The following TMEFF2 variants were observed in gnomAD, a reference collection of about 807,000 sequenced individuals.
TMEFF2 encodes the protein transmembrane protein with EGF like and two follistatin like domains 2.
A neutral mutation model predicts 53.8 loss-of-function variants in TMEFF2; 28 were observed. That is an observed-to-expected ratio of 0.52 (90% confidence interval 0.39 to 0.71). The LOEUF is 0.71. Ranked by LOEUF, TMEFF2 falls within the 30% of genes least tolerant of loss-of-function variation. The pLI is 0.00. For missense variants in TMEFF2, 353 were observed against 455.2 expected (o/e 0.78, Z 2.04); for synonymous variants, 162 against 166.3 (o/e 0.97, Z 0.20).
chr2:192,059,578 T>C (rs552189667), intron 4 of TMEFF2, among the ~76,000 whole-genome samples: 3 of 152,294 alleles, frequency 2.0e-5, no homozygotes, highest in Non-Finnish European at 4.4e-5. Flanking sequence ...AAGAACACAA[T>C]GGCAAGGACC....
chr2:192,075,804 A>G (rs980120615), intron 4 of TMEFF2, among the ~76,000 whole-genome samples: 3 of 152,082 alleles, frequency 2.0e-5, no homozygotes, highest in African/African-American at 7.2e-5. Flanking sequence ...GAGATTTTCA[A>G]TTTCTAACTT....
chr2:191,949,858 C>A lies in TMEFF2; in HGVS notation c.*453G>T. On this transcript the variant is annotated 3_prime_UTR_variant, in exon 10 of 10. Coordinates refer to ENST00000272771, the MANE Select transcript of TMEFF2 (RefSeq NM_016192.4). ...TCTCTTTTCCAATAACCATCATTTC[C>A]CTTGATCTTGGAATCATTCAAAACC... 3 of 985,990 alleles carry A rather than the reference C, an allele frequency of 3.0e-6. No individual in the cohort carries two copies. The highest frequency in any genetic ancestry group is 3.6e-6 in the Non-Finnish European group (3 of 830,146). 61.1% of individuals were successfully genotyped at this position (985,990 alleles called of 1,614,324 possible). A position where few individuals can be genotyped will look rare whatever the true frequency, so the allele number is the denominator to read the frequency against.
At chr2:192,188,982 T>C (rs1691391424) in intron 2 of TMEFF2, among the ~76,000 whole-genome samples, 1 of 152,082 alleles carries the variant, frequency 6.6e-6, no homozygotes, top group African/African-American at 2.4e-5. Flanking sequence ...GACACATGTT[T>C]ACATATGTAA....
chr2:191,951,721 T>C (rs568326927), intron 9 of TMEFF2, among the ~76,000 whole-genome samples: 1 of 152,194 alleles, frequency 6.6e-6, no homozygotes, highest in Non-Finnish European at 1.5e-5. Flanking sequence ...ACACTGGGAA[T>C]TGGTGTGCTT....
chr2:192,106,388 T>C (rs1314510036), intron 4 of TMEFF2, among the ~76,000 whole-genome samples: 2 of 151,734 alleles, frequency 1.3e-5, no homozygotes, highest in Non-Finnish European at 3.0e-5. Flanking sequence ...ATTAATTTCA[T>C]TTTTATGGAT....
chr2:191,961,044 G>A (rs1193835806), intron 7 of TMEFF2, among the ~76,000 whole-genome samples: 2 of 152,040 alleles, frequency 1.3e-5, no homozygotes, highest in Admixed American at 1.3e-4. Context: ...TTTTTGATAC[G>A]CTAGGAGAAA....
intron 4 of TMEFF2, among the ~76,000 whole-genome samples, chr2:192,132,990 C>T (rs916210957): frequency 9.9e-5 from 15 of 152,110 alleles, no homozygotes; most frequent in Admixed American, 2.6e-4. Flanking sequence ...TTAATCAATA[C>T]GGAGGCTACC....
At chr2:191,960,841 T>C (rs1179821722) in intron 7 of TMEFF2, among the ~76,000 whole-genome samples, 1 of 152,176 alleles carries the variant, frequency 6.6e-6, no homozygotes, top group African/African-American at 2.4e-5. Flanking sequence ...CATTGTAAAA[T>C]AGTGGGCTTC....
chr2:191,961,911 G>A (rs1172228457), intron 7 of TMEFF2, among the ~76,000 whole-genome samples: 1 of 152,110 alleles, frequency 6.6e-6, no homozygotes, highest in African/African-American at 2.4e-5. Context: ...GCATATACGA[G>A]TAGATGAGAA....
chr2:192,131,358 AG>A (rs1231305610), intron 4 of TMEFF2, among the ~76,000 whole-genome samples: 2 of 150,916 alleles, frequency 1.3e-5, no homozygotes, highest in Non-Finnish European at 2.9e-5. Context: ...TTTCTGGGGA[AG>A]GGGCAAGTAC....
At chr2:192,155,911 T>C (rs1690495848) in intron 4 of TMEFF2, among the ~76,000 whole-genome samples, 1 of 151,950 alleles carries the variant, frequency 6.6e-6, no homozygotes, top group Non-Finnish European at 1.5e-5. Context: ...AACAGGAATC[T>C]AGAGACCAAA....
At chr2:191,978,496 A>G (rs1175118293) in intron 7 of TMEFF2, among the ~76,000 whole-genome samples, 1 of 151,620 alleles carries the variant, frequency 6.6e-6, no homozygotes, top group Admixed American at 6.6e-5. Flanking sequence ...CTATCTGAAG[A>G]CCACCCTGAT....
intron 2 of TMEFF2, among the ~76,000 whole-genome samples, chr2:192,191,121 C>T (rs765880071): frequency 4.6e-5 from 7 of 152,104 alleles, no homozygotes; most frequent in Non-Finnish European, 1.0e-4. Flanking sequence ...TGGTGGAAAG[C>T]ATTTGTTAGC....
At chr2:192,101,282 C>T (rs971729771) in intron 4 of TMEFF2, among the ~76,000 whole-genome samples, 6 of 151,908 alleles carry the variant, frequency 3.9e-5, no homozygotes, top group Non-Finnish European at 8.8e-5. Flanking sequence ...ATAATTTTAC[C>T]GTGTAATTAG....
intron 7 of TMEFF2, among the ~76,000 whole-genome samples, chr2:191,977,706 A>G (rs1685765575): frequency 6.6e-6 from 1 of 152,230 alleles, no homozygotes; most frequent in Non-Finnish European, 1.5e-5. Flanking sequence ...AATTTGAATT[A>G]CTTATTAATA....
intron 4 of TMEFF2, among the ~76,000 whole-genome samples, chr2:192,111,625 G>A (rs905808501): frequency 6.6e-6 from 1 of 152,218 alleles, no homozygotes; most frequent in African/African-American, 2.4e-5. Context: ...ATTCAAGCCA[G>A]CTGCAGAAAT....
At chr2:192,068,285 G>T (rs1333108120) in intron 4 of TMEFF2, among the ~76,000 whole-genome samples, 1 of 151,870 alleles carries the variant, frequency 6.6e-6, no homozygotes, top group East Asian at 1.9e-4. Context: ...AAGTAAGATG[G>T]TTCTTTGAAG....
intron 5 of TMEFF2, among the ~76,000 whole-genome samples, chr2:192,027,244 C>T (rs1428603387): frequency 6.6e-6 from 1 of 152,170 alleles, no homozygotes; most frequent in African/African-American, 2.4e-5. Flanking sequence ...GTCAACTTCT[C>T]ATTATGGTAA....
chr2:192,171,953 G>A (rs1432787699), intron 4 of TMEFF2, among the ~76,000 whole-genome samples: 2 of 149,390 alleles, frequency 1.3e-5, no homozygotes, highest in African/African-American at 2.5e-5. Context: ...TGGATACCAT[G>A]GTGCAATGTC....
Sources: gnomAD v4.1 joint callset for allele counts (sites outside exome capture counted in the v4.1 genomes callset) on GRCh38, gnomAD v4.1.1 for gene constraint, MANE v1.5 for transcripts, NCBI Gene and HGNC (gene_info 2026-07-23, HGNC 2026-07-21) for gene names.